PDE4D: variants seen among roughly 807,000 people sequenced by gnomAD.
PDE4D encodes the protein 3',5'-cyclic-AMP phosphodiesterase 4D.
PDE4D carries 24 observed loss-of-function variants against 87.4 expected under a neutral mutation model. That is an observed-to-expected ratio of 0.27 (90% CI 0.20 to 0.39). The LOEUF is 0.39. Ranked by LOEUF, PDE4D falls within the 10% of genes least tolerant of loss-of-function variation. The pLI, the probability that PDE4D is intolerant of heterozygous loss-of-function variation, is 1.00. For synonymous variants in PDE4D, 384 were observed against 383.2 expected (o/e 1.00, Z -0.02); for missense variants, 714 against 1,041.0 (o/e 0.69, Z 4.32).
chr5:59,908,998 C>A (rs1179607295), intron 3 of PDE4D, among the ~76,000 whole-genome samples: 1 of 152,096 alleles, frequency 6.6e-6, no homozygotes, highest in African/African-American at 2.4e-5. Flanking sequence ...TTTGCACTGG[C>A]TTTTTAAAGT....
At chr5:59,827,988 G>C (rs1770524412) in intron 1 of PDE4D, among the ~76,000 whole-genome samples, 1 of 152,056 alleles carries the variant, frequency 6.6e-6, no homozygotes, top group Admixed American at 6.6e-5. Context: ...TGTTTATAGA[G>C]ATTAGGAGAA....
chr5:59,683,478 G>C (rs1319434274), intron 1 of PDE4D, among the ~76,000 whole-genome samples: 1 of 152,114 alleles, frequency 6.6e-6, no homozygotes, highest in African/African-American at 2.4e-5. Flanking sequence ...GCTTCAACTA[G>C]TTATAACTAT....
At chr5:58,980,136 T>C (rs1043966262) in intron 11 of PDE4D, among the ~76,000 whole-genome samples, 1 of 152,200 alleles carries the variant, frequency 6.6e-6, no homozygotes, top group Admixed American at 6.5e-5. Flanking sequence ...CATGGAGCCA[T>C]ATAGGTGGGA....
chr5:60,060,834 A>G (rs1771316814), intron 2 of PDE4D, among the ~76,000 whole-genome samples: 1 of 152,108 alleles, frequency 6.6e-6, no homozygotes, highest in Non-Finnish European at 1.5e-5. Flanking sequence ...GAATTTGGTA[A>G]TTGGTATCTC....
chr5:59,402,290 A>C (rs949972679), intron 1 of PDE4D, among the ~76,000 whole-genome samples: 1 of 152,202 alleles, frequency 6.6e-6, no homozygotes, highest in African/African-American at 2.4e-5. Context: ...GAAAAGACTG[A>C]AAGTGAAGAA....
At chr5:60,373,284 T>C (rs1456234072) in intron 1 of PDE4D, among the ~76,000 whole-genome samples, 1 of 152,178 alleles carries the variant, frequency 6.6e-6, no homozygotes, top group Non-Finnish European at 1.5e-5. Context: ...CTAGCAAAAG[T>C]GGTCACATTT....
At chr5:59,048,566 G>A (rs1761067348) in intron 5 of PDE4D, among the ~76,000 whole-genome samples, 1 of 152,208 alleles carries the variant, frequency 6.6e-6, no homozygotes, top group African/African-American at 2.4e-5. Context: ...TATGTTTGTA[G>A]AGGGAATTCC....
At chr5:59,441,223 T>C (rs1285899785) in intron 1 of PDE4D, among the ~76,000 whole-genome samples, 1 of 151,972 alleles carries the variant, frequency 6.6e-6, no homozygotes, top group African/African-American at 2.4e-5. Context: ...GCCTCCTGAG[T>C]AGCTGGAATT....
At chr5:60,307,798 A>T (rs1233498646) in intron 1 of PDE4D, among the ~76,000 whole-genome samples, 3 of 152,160 alleles carry the variant, frequency 2.0e-5, no homozygotes, top group Admixed American at 6.5e-5. Context: ...CCTTAAAATT[A>T]ACCAAAATAT....
intron 1 of PDE4D, among the ~76,000 whole-genome samples, chr5:59,406,627 A>T (rs1791715691): frequency 6.6e-6 from 1 of 152,128 alleles, no homozygotes; most frequent in South Asian, 2.1e-4. Context: ...TGACCTCATG[A>T]TCTGCCTGCC....
At chr5:59,039,068 TC>T in intron 5 of PDE4D, 97 bp from the exon 6 acceptor site, 1 of 1,497,700 alleles carries the variant, frequency 6.7e-7, no homozygotes, top group Non-Finnish European at 8.9e-7. Context: ...CCCGCCATGC[TC>T]GGATGCCCGG....
chr5:60,330,395 TGGG>T (rs1757216574), intron 1 of PDE4D, among the ~76,000 whole-genome samples: 1 of 152,116 alleles, frequency 6.6e-6, no homozygotes, highest in Non-Finnish European at 1.5e-5. Context: ...TGGGAGCACA[TGGG>T]GAAAATACCA....
chr5:59,945,660 G>A (rs1334850982), intron 3 of PDE4D, among the ~76,000 whole-genome samples: 1 of 152,116 alleles, frequency 6.6e-6, no homozygotes, highest in Non-Finnish European at 1.5e-5. Context: ...GCGTGTCATA[G>A]GACCTGTTAG....
intron 2 of PDE4D, among the ~76,000 whole-genome samples, chr5:60,089,133 C>T (rs1273102899): frequency 1.3e-5 from 2 of 151,914 alleles, no homozygotes; most frequent in African/African-American, 4.8e-5. Context: ...GATAGGTAAT[C>T]TAGACAAGAA....
At chr5:59,514,699 C>CAAA (rs1176978851) in intron 1 of PDE4D, among the ~76,000 whole-genome samples, 1 of 152,152 alleles carries the variant, frequency 6.6e-6, no homozygotes, top group Non-Finnish European at 1.5e-5. Flanking sequence ...CGAATTTTAT[C>CAAA]ACTTACTAGC....
At chr5:59,771,534 G>GAAAGAAAGAAAGAAAGA (rs1763568822) in intron 1 of PDE4D, among the ~76,000 whole-genome samples, 12 of 147,618 alleles carry the variant, frequency 8.1e-5, no homozygotes, top group African/African-American at 3.2e-4. Context: ...AAGAAAGAAA[G>GAAAGAAAGAAAGAAAGA]AAAGAAAGAA....
intron 1 of PDE4D, among the ~76,000 whole-genome samples, chr5:59,319,672 TA>T (rs1471983660): frequency 2.0e-5 from 3 of 152,178 alleles, no homozygotes; most frequent in Non-Finnish European, 4.4e-5. Context: ...AGGTGACCTA[TA>T]ACTACTATGC....
chr5:60,161,075 T>A (rs1420399548), intron 2 of PDE4D, among the ~76,000 whole-genome samples: 1 of 152,136 alleles, frequency 6.6e-6, no homozygotes, highest in Non-Finnish European at 1.5e-5. Flanking sequence ...TAAAAGAAAG[T>A]AGAAGGAGAA....
At chr5:59,632,527 C>T (rs138333356) in intron 1 of PDE4D, among the ~76,000 whole-genome samples, 1,917 of 152,282 alleles carry the variant, frequency 0.013, 23 homozygotes, top group Non-Finnish European at 0.019. Context: ...CCCTCTTGGA[C>T]GAAGCTTCCA....
Sources: gnomAD v4.1 joint callset for allele counts (sites outside exome capture counted in the v4.1 genomes callset) on GRCh38, gnomAD v4.1.1 for gene constraint, MANE v1.5 for transcripts, NCBI Gene and HGNC (gene_info 2026-07-23, HGNC 2026-07-21) for gene names.